The following CDH23 variants were observed in gnomAD, a reference collection of about 807,000 sequenced individuals.
CDH23 encodes the protein cadherin related 23, also known as cadherin-23.
Under a neutral mutation model 317.1 loss-of-function variants are expected in CDH23, and 189 were observed. The ratio of observed to expected loss-of-function variants is 0.60; its 90% CI spans 0.53 to 0.67. The LOEUF (loss-of-function observed/expected upper bound fraction) is 0.67, where lower values mean the gene tolerates loss of function less well. Among genes scored for constraint, CDH23 ranks in the 30% least tolerant of loss-of-function variants. CDH23 has a pLI of 0.00. For synonymous variants in CDH23, 1,839 were observed against 1,876.8 expected (o/e 0.98, Z 0.52); for missense variants, 4,401 against 4,592.4 (o/e 0.96, Z 1.20).
chr10:71,728,192 C>T (rs1224145652), intron 30 of CDH23, among the ~76,000 whole-genome samples: 2 of 152,100 alleles, frequency 1.3e-5, no homozygotes, highest in Non-Finnish European at 2.9e-5. Flanking sequence ...TGCAAACTCC[C>T]CCCCGCACCC....
At position 71,637,960 on chromosome 10, in the gene CDH23, G is replaced by A. The variant is rs546972137; in HGVS notation, c.1135-5901G>A. Among the ~76,000 whole-genome samples the A allele has an allele frequency of 2.0e-5, 3 of 151,962 alleles. No homozygotes were observed. The East Asian group carries it at 5.8e-4, about 29-fold the overall frequency. ...AAAGGAATTAAGACCTCCTCCAAGG[G>A]CACATTGTAGTTTACAGGGTTGGTT... is the stretch of plus-strand genomic sequence containing the variant. On this transcript the variant is annotated intron_variant, in intron 11 of 69. Coordinates refer to ENST00000224721, the MANE Select transcript of CDH23 (RefSeq NM_022124.6).
chr10:71,738,749 C>T lies in CDH23; in HGVS notation c.4359+102C>T, dbSNP rs571249838. The T allele has an allele frequency of 5.8e-6, 8 of 1,384,196 alleles. No individual in the cohort carries two copies. The Admixed American group carries it at 1.0e-4, about 18-fold the overall frequency. 85.7% of individuals were successfully genotyped at this position (1,384,196 alleles called of 1,614,324 possible). On this transcript the variant is annotated intron_variant, in intron 35 of 69. Transcript: ENST00000224721. ...CTGAGCCACCCCCATCACCAAGCACCAGGTTCTTCCGGTCTCTGCCCCTGC... is the reference window on the plus strand; with the variant it reads ...CTGAGCCACCCCCATCACCAAGCACTAGGTTCTTCCGGTCTCTGCCCCTGC...
intron 8 of CDH23, among the ~76,000 whole-genome samples, chr10:71,573,319 CT>C (rs1857946891): frequency 6.6e-6 from 1 of 152,098 alleles, no homozygotes; most frequent in Non-Finnish European, 1.5e-5. Context: ...TTTCTAGTAT[CT>C]TTTTAGTATA....
At chr10:71,550,990 T>A (rs7088311) in intron 6 of CDH23, among the ~76,000 whole-genome samples, 3,588 of 152,250 alleles carry the variant, frequency 0.024, 144 homozygotes, top group African/African-American at 0.081. Context: ...AGAAAACATA[T>A]ACACATATTT....
At chr10:71,603,474 T>C (rs1474984669) in intron 9 of CDH23, among the ~76,000 whole-genome samples, 1 of 152,006 alleles carries the variant, frequency 6.6e-6, no homozygotes, top group Non-Finnish European at 1.5e-5. Flanking sequence ...GCCAGCCCTC[T>C]GGGAGGCACA....
intron 9 of CDH23, among the ~76,000 whole-genome samples, chr10:71,606,570 C>T (rs1357784734): frequency 1.3e-5 from 2 of 152,200 alleles, no homozygotes; most frequent in Admixed American, 6.5e-5. Flanking sequence ...ATTGATTGAT[C>T]ACCTGCTAGG....
At chr10:71,412,955 T>C (rs1465278831) in intron 1 of CDH23, among the ~76,000 whole-genome samples, 3 of 152,220 alleles carry the variant, frequency 2.0e-5, no homozygotes, top group Non-Finnish European at 4.4e-5. Context: ...ATAGATAGTG[T>C]GCTTTGATGC....
At chr10:71,599,091 T>C (rs1860047567) in intron 9 of CDH23, among the ~76,000 whole-genome samples, 1 of 149,706 alleles carries the variant, frequency 6.7e-6, no homozygotes. Flanking sequence ...CACTGGCAAA[T>C]GTGAAATATT....
chr10:71,735,379 A>T (rs1454252958), intron 34 of CDH23, among the ~76,000 whole-genome samples: 1 of 152,160 alleles, frequency 6.6e-6, no homozygotes, highest in Admixed American at 6.5e-5. Flanking sequence ...CAACGTTCCT[A>T]GAAGAGGCGG....
At chr10:71,632,699 T>C (rs1204837691) in intron 11 of CDH23, among the ~76,000 whole-genome samples, 1 of 152,132 alleles carries the variant, frequency 6.6e-6, no homozygotes, top group East Asian at 1.9e-4. Context: ...CCAGGTTCCA[T>C]CTTTACCTCA....
rs2133017180 is a variant in CDH23, at chr10:71,815,056, G to A, written c.9843G>A (p.Gly3281=). Residue 3281 remains glycine (G), a synonymous_variant, in exon 70 of 70, where the codon GGG becomes GGA. Transcript: ENST00000224721. ...KPPVELKGPD[G]IHVVHGSTGT... ...CAGTGGAGCTCAAGGGGCCCGATGG[G>A]ATCCATGTGGTGCACGGCAGCACGG... is the stretch of plus-strand genomic sequence containing the variant. 1.2e-6 allele frequency: 2 copies of A among 1,612,374 alleles called. No individual in the cohort carries two copies. Among genetic ancestry groups the A allele is most frequent in the South Asian group, 1.1e-5 (1 of 90,882 alleles).
chr10:71,814,242 G>A (rs965792895), intron 69 of CDH23, among the ~76,000 whole-genome samples: 4 of 152,182 alleles, frequency 2.6e-5, no homozygotes, highest in Admixed American at 1.3e-4. Flanking sequence ...GAGCACCAAA[G>A]TTAATACATA....
chr10:71,684,354 A>T (rs1310487505), intron 18 of CDH23, among the ~76,000 whole-genome samples: 1 of 152,160 alleles, frequency 6.6e-6, no homozygotes, highest in Non-Finnish European at 1.5e-5. Flanking sequence ...ACCAGCCAGG[A>T]TGCTGCTCTG....
chr10:71,723,664 A>G (rs921210064), intron 28 of CDH23, among the ~76,000 whole-genome samples: 3 of 152,066 alleles, frequency 2.0e-5, no homozygotes, highest in African/African-American at 7.2e-5. Context: ...CAGTTCAGCC[A>G]CCCTGGGAGA....
intron 14 of CDH23, among the ~76,000 whole-genome samples, chr10:71,669,655 C>G (rs1230744519): frequency 6.6e-6 from 1 of 152,122 alleles, no homozygotes; most frequent in African/African-American, 2.4e-5. Context: ...ACCGTGTTGG[C>G]CAGAATGGCC....
At chr10:71,527,496 G>A (rs1855108642) in intron 6 of CDH23, among the ~76,000 whole-genome samples, 3 of 152,198 alleles carry the variant, frequency 2.0e-5, no homozygotes, top group African/African-American at 7.2e-5. Flanking sequence ...GACGTGGGAC[G>A]GGACAGTGTG....
At chr10:71,405,618 A>G (rs372426926) in intron 1 of CDH23, among the ~76,000 whole-genome samples, 1 of 152,038 alleles carries the variant, frequency 6.6e-6, no homozygotes, top group African/African-American at 2.4e-5. Context: ...TTGTATTTTT[A>G]GTAGAGATGG....
At chr10:71,557,294 C>T (rs1451828479) in intron 6 of CDH23, among the ~76,000 whole-genome samples, 1 of 152,068 alleles carries the variant, frequency 6.6e-6, no homozygotes, top group Non-Finnish European at 1.5e-5. Context: ...ATGTAGGGAG[C>T]CTCTCAGCAT....
At chr10:71,718,878 G>A (rs1866417662) in intron 28 of CDH23, among the ~76,000 whole-genome samples, 2 of 151,914 alleles carry the variant, frequency 1.3e-5, no homozygotes, top group South Asian at 4.2e-4. Context: ...AACAGCCTGG[G>A]CAACATAGTG....
Sources: gnomAD v4.1 joint callset for allele counts (sites outside exome capture counted in the v4.1 genomes callset) on GRCh38, gnomAD v4.1.1 for gene constraint, MANE v1.5 for transcripts, NCBI Gene and HGNC (gene_info 2026-07-23, HGNC 2026-07-21) for gene names.